SLC24A3: variants seen among roughly 807,000 people sequenced by gnomAD.
SLC24A3 encodes the protein solute carrier family 24 member 3, also known as sodium/potassium/calcium exchanger 3.
In SLC24A3, 28 loss-of-function variants were observed where a neutral mutation model predicts 75.8. That is an observed-to-expected ratio of 0.37 (90% confidence interval 0.27 to 0.51). The LOEUF (loss-of-function observed/expected upper bound fraction) is 0.51. Ranked by LOEUF, SLC24A3 falls within the 20% of genes least tolerant of loss-of-function variation. The pLI is 0.94. For missense variants in SLC24A3, 663 were observed against 847.8 expected, an observed-to-expected ratio of 0.78 and a Z score of 2.71; for synonymous variants, 372 against 334.1, an observed-to-expected ratio of 1.11 and a Z score of -1.24.
intron 2 of SLC24A3, among the ~76,000 whole-genome samples, chr20:19,369,510 T>G (rs941165207): frequency 1.3e-5 from 2 of 152,212 alleles, no homozygotes; most frequent in Non-Finnish European, 2.9e-5. Context: ...TTTTTTTACT[T>G]TTCTTGTAAA....
At position 19,504,618 on chromosome 20, in the gene SLC24A3, T is replaced by C. The variant is rs529456952; in HGVS notation, c.272-10870T>C. Among the ~76,000 whole-genome samples, 73 of 152,322 alleles carry C rather than the reference T, an allele frequency of 4.8e-4. No individual in the cohort carries two copies. The South Asian group carries it at 7.0e-3, about 15-fold the overall frequency. On this transcript the variant is annotated intron_variant, in intron 2 of 16. Coordinates refer to ENST00000328041, the MANE Select transcript of SLC24A3 (RefSeq NM_020689.4). ...GTGGGTTCCTGTGTACATCAGCCTA[T>C]TGGTCTGGATCAATAGCAGACATAA...
chr20:19,654,599 G>A (rs1420142978), intron 7 of SLC24A3, among the ~76,000 whole-genome samples: 2 of 147,106 alleles, frequency 1.4e-5, no homozygotes, highest in African/African-American at 5.0e-5. Context: ...CTCTCTACTA[G>A]ACATCTCCAT....
rs142259204 is a variant in SLC24A3 at position 19,525,705 on chromosome 20, G to A, written c.348+10141G>A. Among the ~76,000 whole-genome samples, 11 of 152,216 alleles carry A rather than the reference G, an allele frequency of 7.2e-5. No individual in the cohort carries two copies. In the East Asian group the frequency reaches 9.7e-4, roughly 13 times the overall value. ...CATACTCAGGAGAGTGGCCGAGGACGAGGACGGGCACCAACGGTGCCTGTG... is the reference window on the plus strand; with the variant it reads ...CATACTCAGGAGAGTGGCCGAGGACAAGGACGGGCACCAACGGTGCCTGTG... On this transcript the variant is annotated intron_variant, in intron 3 of 16. Transcript: ENST00000328041.
At chr20:19,557,781 A>G (rs1210668193) in intron 3 of SLC24A3, among the ~76,000 whole-genome samples, 1 of 152,178 alleles carries the variant, frequency 6.6e-6, no homozygotes, top group Non-Finnish European at 1.5e-5. Flanking sequence ...AGTGACTTAA[A>G]TCTGTATTGT....
chr20:19,644,189 T>C (rs1020615293), intron 6 of SLC24A3, among the ~76,000 whole-genome samples: 7 of 152,142 alleles, frequency 4.6e-5, no homozygotes, highest in Non-Finnish European at 1.0e-4. Flanking sequence ...CAGATGACTC[T>C]CTGTGCCTGC....
chr20:19,279,942 AAG>A (rs1270832888), intron 1 of SLC24A3, among the ~76,000 whole-genome samples: 3 of 152,176 alleles, frequency 2.0e-5, no homozygotes, highest in Non-Finnish European at 4.4e-5. Context: ...ACGGTACCTA[AAG>A]AGAGAGTCAT....
At chr20:19,349,206 T>C (rs569735720) in intron 2 of SLC24A3, among the ~76,000 whole-genome samples, 15 of 152,326 alleles carry the variant, frequency 9.8e-5, no homozygotes, top group Non-Finnish European at 1.9e-4. Context: ...CATACTTGCA[T>C]TGACTCCACA....
At chr20:19,701,530 T>C (rs547987648) in intron 15 of SLC24A3, among the ~76,000 whole-genome samples, 1 of 152,292 alleles carries the variant, frequency 6.6e-6, no homozygotes, top group East Asian at 1.9e-4. Context: ...AGCTTCGCAG[T>C]TAACACAACC....
intron 6 of SLC24A3, among the ~76,000 whole-genome samples, chr20:19,605,888 C>T (rs1453395951): frequency 6.6e-6 from 1 of 152,182 alleles, no homozygotes; most frequent in African/African-American, 2.4e-5. Flanking sequence ...GAGGCTACAC[C>T]TCTTGTCCTC....
At chr20:19,587,116 T>C (rs74660828) in intron 6 of SLC24A3, among the ~76,000 whole-genome samples, 1 of 152,320 alleles carries the variant, frequency 6.6e-6, no homozygotes, top group Non-Finnish European at 1.5e-5. Context: ...ATTGGCATTG[T>C]CACCATCAGC....
Position 19,377,350 on chromosome 20 carries a change from T to A in SLC24A3, c.271+96263T>A, listed in dbSNP as rs548946128. On this transcript the variant is annotated intron_variant, in intron 2 of 16. Transcript: ENST00000328041. ...ATGGTGGCGTGTTCAGACAATGGAA[T>A]AGAGCACAGTAATCAAAAGGAGGGG... Among the ~76,000 whole-genome samples, 5 of 152,212 alleles carry A rather than the reference T, an allele frequency of 3.3e-5. No homozygotes were observed. In the South Asian group the frequency reaches 1.0e-3, roughly 32 times the overall value.
chr20:19,253,905 A>G (rs1037849852), intron 1 of SLC24A3, among the ~76,000 whole-genome samples: 27 of 152,262 alleles, frequency 1.8e-4, no homozygotes, highest in African/African-American at 6.5e-4. Context: ...TGCATGTTCC[A>G]TGTCTAAATC....
intron 1 of SLC24A3, among the ~76,000 whole-genome samples, chr20:19,269,150 TG>T (rs1983251590): frequency 6.6e-6 from 1 of 152,230 alleles, no homozygotes; most frequent in Non-Finnish European, 1.5e-5. Context: ...AGCTTCCAGT[TG>T]TATAGTCTTA....
chr20:19,331,627 G>C (rs1046776841), intron 2 of SLC24A3, among the ~76,000 whole-genome samples: 1 of 152,082 alleles, frequency 6.6e-6, no homozygotes, highest in Non-Finnish European at 1.5e-5. Context: ...GCAAAAAATA[G>C]AATAAATAAA....
intron 3 of SLC24A3, among the ~76,000 whole-genome samples, chr20:19,554,762 G>A (rs759898585): frequency 4.6e-5 from 7 of 152,224 alleles, no homozygotes; most frequent in Non-Finnish European, 8.8e-5. Context: ...ACCTCAGTGA[G>A]TTCTGAATGT....
chr20:19,373,774 T>C (rs574736858), intron 2 of SLC24A3, among the ~76,000 whole-genome samples: 2 of 152,266 alleles, frequency 1.3e-5, no homozygotes, highest in African/African-American at 4.8e-5. Flanking sequence ...ATCATTTTCC[T>C]GGAGTGGGTG....
chr20:19,310,087 G>A (rs1300724832), intron 2 of SLC24A3, among the ~76,000 whole-genome samples: 3 of 152,208 alleles, frequency 2.0e-5, no homozygotes, highest in Non-Finnish European at 2.9e-5. Context: ...TGGTGTCTTC[G>A]TGGAGTTCAT....
chr20:19,586,631 C>T (rs568458305), intron 6 of SLC24A3, among the ~76,000 whole-genome samples: 18 of 152,280 alleles, frequency 1.2e-4, no homozygotes, highest in South Asian at 4.2e-4. Context: ...CAGGATACCC[C>T]GGGTCCACCA....
intron 1 of SLC24A3, among the ~76,000 whole-genome samples, chr20:19,241,964 C>T (rs16980241): frequency 6.6e-6 from 1 of 152,218 alleles, no homozygotes; most frequent in South Asian, 2.1e-4. Flanking sequence ...GGCAGCGAGT[C>T]TGAATGCCTC....
Sources: gnomAD v4.1 joint callset for allele counts (sites outside exome capture counted in the v4.1 genomes callset) on GRCh38, gnomAD v4.1.1 for gene constraint, MANE v1.5 for transcripts, NCBI Gene and HGNC (gene_info 2026-07-23, HGNC 2026-07-21) for gene names.